The following L3MBTL3 variants were observed in gnomAD, a reference collection of about 807,000 sequenced individuals.
L3MBTL3 encodes lethal(3)malignant brain tumor-like protein 3.
A neutral mutation model predicts 102.3 loss-of-function variants in L3MBTL3; 27 were observed. The ratio of observed to expected loss-of-function variants is 0.26; its 90% confidence interval spans 0.19 to 0.36. L3MBTL3 has a LOEUF of 0.36. L3MBTL3 is among the 10% of genes least tolerant of loss of function. The probability of loss-of-function intolerance (pLI) is 1.00; values close to 1 mark genes in which losing one functional copy is unlikely to be tolerated. For synonymous variants in L3MBTL3, 340 were observed against 320.9 expected, an observed-to-expected ratio of 1.06 and a Z score of -0.64; for missense variants, 798 against 955.3, an observed-to-expected ratio of 0.84 and a Z score of 2.17.
intron 16 of L3MBTL3, among the ~76,000 whole-genome samples, chr6:130,091,675 T>TA (rs915387485): frequency 1.6e-4 from 25 of 151,992 alleles, no homozygotes; most frequent in Admixed American, 2.6e-4. Context: ...TATTCAGCCA[T>TA]AAAAAAAGAA....
Position 130,042,819 on chromosome 6 carries a change from C to G in L3MBTL3, c.102+18C>G. ...ACTTAAAGGTAAACCCTCTTTATTACATACAATTATGTGTGTGTGCATCTG... is the reference window on the plus strand; with the variant it reads ...ACTTAAAGGTAAACCCTCTTTATTAGATACAATTATGTGTGTGTGCATCTG... On this transcript the variant is annotated intron_variant, in intron 3 of 22. Transcript: ENST00000361794. 2.7e-6 allele frequency: 4 copies of G among 1,495,708 alleles called. No individual in the cohort carries two copies. Among genetic ancestry groups the G allele is most frequent in the East Asian group, 4.5e-5 (2 of 44,288 alleles). The allele number at this position is 1,495,708 out of a possible 1,614,324, so 92.7% of individuals were successfully genotyped here.
chr6:130,060,002 A>G, intron 9 of L3MBTL3, 34 bp from the exon 10 acceptor site: 1 of 1,190,930 alleles, frequency 8.4e-7, no homozygotes, highest in Middle Eastern at 1.9e-4. Flanking sequence ...GCTTTGGGAT[A>G]AGGGACTAAA....
At chr6:130,095,823 C>G (rs941285376) in intron 18 of L3MBTL3, among the ~76,000 whole-genome samples, 1 of 152,122 alleles carries the variant, frequency 6.6e-6, no homozygotes, top group Non-Finnish European at 1.5e-5. Flanking sequence ...ATAACAACCG[C>G]TCCCATGATA....
At chr6:130,100,538 T>A (rs976435859) in intron 18 of L3MBTL3, among the ~76,000 whole-genome samples, 2 of 152,158 alleles carry the variant, frequency 1.3e-5, no homozygotes, top group East Asian at 3.9e-4. Context: ...TAGGCTACCC[T>A]TGGTAGATCA....
chr6:130,140,735 T>C lies in L3MBTL3; in HGVS notation c.*982T>C, dbSNP rs1293457905. On this transcript the variant is annotated 3_prime_UTR_variant, in exon 23 of 23. Coordinates refer to ENST00000361794, the MANE Select transcript of L3MBTL3 (RefSeq NM_032438.4). The stretch of plus-strand genomic sequence containing the variant: ...AAACACTAATCTGTACAGAGCGCTG[T>C]CTCAGGTCATGCATTGTCCTCCAAA... The C allele has an allele frequency of 6.6e-6, 1 of 152,236 alleles. No homozygotes were observed. Among genetic ancestry groups the C allele is most frequent in the East Asian group, 1.9e-4 (1 of 5,200 alleles). 9.4% of individuals were successfully genotyped at this position (152,236 alleles called of 1,614,324 possible).
At chr6:130,098,803 T>G (rs1376263822) in intron 18 of L3MBTL3, among the ~76,000 whole-genome samples, 1 of 151,862 alleles carries the variant, frequency 6.6e-6, no homozygotes, top group East Asian at 1.9e-4. Context: ...TCCCTGCTCT[T>G]AACTGCTGGG....
rs956662462 is a variant in L3MBTL3 at position 130,077,118 on chromosome 6, T to C, written c.1245-1440T>C. Among the ~76,000 whole-genome samples, 10 of 152,028 alleles carry C rather than the reference T, an allele frequency of 6.6e-5. No homozygotes were observed. In the East Asian group the frequency reaches 1.9e-3, roughly 29 times the overall value. On this transcript the variant is annotated intron_variant, in intron 13 of 22. Coordinates refer to ENST00000361794, the MANE Select transcript of L3MBTL3 (RefSeq NM_032438.4). ...AGATTGAGAAGGAAAAAATTAAATA[T>C]TATATATATGTTATTTTTTCATTTT...
chr6:130,051,981 C>A (rs1163446830), intron 6 of L3MBTL3, among the ~76,000 whole-genome samples: 1 of 152,174 alleles, frequency 6.6e-6, no homozygotes, highest in Non-Finnish European at 1.5e-5. Context: ...TGACAAAGTT[C>A]AGCTTATCAC....
In L3MBTL3 at chr6:130,057,410, G is replaced by T. The variant is rs747693253; in HGVS notation, c.672G>T (p.Leu224Phe). Residue 224 changes from leucine to phenylalanine, a missense_variant, in exon 9 of 23, where the codon TTG becomes TTT. Physicochemically the swap from Leu to Phe is conservative, Grantham distance 22 (BLOSUM62 0). Coordinates refer to ENST00000361794, the MANE Select transcript of L3MBTL3 (RefSeq NM_032438.4). The stretch of plus-strand genomic sequence containing the variant: ...TCCGTCTTGCTTGCCTTTCAGGTTT[G>T]CCTCCTAAAGGAAAGAAAGCGTGGT... Reference protein sequence around the residue: ...RGDSAVLKQGLPPKGKKAWCW... With the variant: ...RGDSAVLKQGFPPKGKKAWCW... 40 of 1,606,628 alleles carry T rather than the reference G, an allele frequency of 2.5e-5. No individual in the cohort carries two copies. Among genetic ancestry groups the T allele is most frequent in the Non-Finnish European group, 3.3e-5 (39 of 1,177,298 alleles).
chr6:130,110,511 A>T (rs929946608), intron 19 of L3MBTL3, among the ~76,000 whole-genome samples: 1 of 152,168 alleles, frequency 6.6e-6, no homozygotes, highest in Non-Finnish European at 1.5e-5. Flanking sequence ...TTATTGGTGT[A>T]TAGGAATGCT....
intron 2 of L3MBTL3, among the ~76,000 whole-genome samples, chr6:130,023,340 C>G (rs1453336681): frequency 6.6e-6 from 1 of 152,122 alleles, no homozygotes; most frequent in East Asian, 1.9e-4. Context: ...ATAAGTAGAT[C>G]TGGTCCATGT....
chr6:130,136,277 C>G (rs1787647217), intron 22 of L3MBTL3, among the ~76,000 whole-genome samples: 1 of 152,200 alleles, frequency 6.6e-6, no homozygotes, highest in Non-Finnish European at 1.5e-5. Context: ...ATAGCTTCAT[C>G]TCTCAATCAG....
chr6:130,073,887 A>G (rs1562287934), intron 13 of L3MBTL3, among the ~76,000 whole-genome samples: 1 of 152,214 alleles, frequency 6.6e-6, no homozygotes, highest in Admixed American at 6.6e-5. Flanking sequence ...AGGATTACTT[A>G]GACTTCCAGC....
rs545347188 is a variant in L3MBTL3 at position 130,044,046 on chromosome 6, C to A, written c.102+1245C>A. On this transcript the variant is annotated intron_variant, in intron 3 of 22. Transcript: ENST00000361794. ...AATTGAATGCCAAGCGTTTTGCTTG[C>A]GCTGACATTCTCCAAATATTCATCT... Among the ~76,000 whole-genome samples the A allele has an allele frequency of 1.2e-4, 19 of 152,196 alleles. No individual in the cohort carries two copies. The South Asian group carries it at 3.7e-3, about 30-fold the overall frequency.
In L3MBTL3 at chr6:130,049,970, G is replaced by C. The variant is rs187398075; in HGVS notation, c.289+140G>C. The C allele has an allele frequency of 5.3e-5, 57 of 1,072,622 alleles. No homozygotes were observed. In the East Asian group the frequency reaches 1.6e-3, roughly 29 times the overall value. 66.4% of individuals were successfully genotyped at this position (1,072,622 alleles called of 1,614,324 possible). On this transcript the variant is annotated intron_variant, in intron 5 of 22. Coordinates refer to ENST00000361794, the MANE Select transcript of L3MBTL3 (RefSeq NM_032438.4). ...ACCCAGTGGACAAGCAAGAAACACA[G>C]GAGTCATCCTGAATTTGTTCTTCCC...
intron 2 of L3MBTL3, among the ~76,000 whole-genome samples, chr6:130,030,528 A>G (rs1298472610): frequency 6.6e-6 from 1 of 151,918 alleles, no homozygotes; most frequent in Non-Finnish European, 1.5e-5. Flanking sequence ...TTAGCCGGGC[A>G]TGGTGGCGGG....
At chr6:130,049,025 A>G (rs1253703113) in intron 3 of L3MBTL3, among the ~76,000 whole-genome samples, 1 of 152,034 alleles carries the variant, frequency 6.6e-6, no homozygotes, top group Middle Eastern at 3.2e-3. Context: ...TGCCAGCTCT[A>G]TAGGACAGGG....
rs1225777311 is a variant in L3MBTL3 at position 130,133,476 on chromosome 6, A to G, written c.1991A>G (p.Gln664Arg). The change falls in exon 21 of 23, where the codon CAG (glutamine) becomes CGG (arginine). Residue 664 changes from glutamine to arginine, a missense_variant. Physicochemically the swap from Gln to Arg is conservative, Grantham distance 43 (BLOSUM62 1). Transcript: ENST00000361794. The surrounding 1 kb of genome is among the most constrained non-coding windows in gnomAD (Gnocchi z 4.9). ...ARGAREEPTV[Q>R]QAQRRSAVFL... ...GGTGCCCGGGAAGAACCCACCGTCC[A>G]GCAGGCACAGCGTCGGTCAGCTGTC... 1.9e-6 allele frequency: 3 copies of G among 1,614,146 alleles called. No homozygotes were observed. The highest frequency in any genetic ancestry group is 1.1e-5 in the South Asian group (1 of 91,074).
rs897498004 is a variant in L3MBTL3, at chr6:130,111,872, G to A, written c.1886+7297G>A. On this transcript the variant is annotated intron_variant, in intron 19 of 22. Transcript: ENST00000361794. Reference sequence around the variant, plus strand: ...CCTGCTCAAAACTCAATGACTTCCCGTTATTCTTGGAATTAAGACCCTAAT... The same window carrying A: ...CCTGCTCAAAACTCAATGACTTCCCATTATTCTTGGAATTAAGACCCTAAT... Among the ~76,000 whole-genome samples the A allele has an allele frequency of 5.9e-5, 9 of 152,240 alleles. 1 individual carries two copies. The highest frequency in any genetic ancestry group is 6.8e-3 in the Middle Eastern group (2 of 294).
Sources: allele counts gnomAD v4.1 joint callset (sites outside exome capture counted in the v4.1 genomes callset), GRCh38; gene constraint gnomAD v4.1.1; non-coding constraint Gnocchi (gnomAD v3.1); transcripts MANE v1.5; gene names NCBI Gene and HGNC (gene_info 2026-07-23, HGNC 2026-07-21).